SS18L1: variants seen among roughly 807,000 people sequenced by gnomAD.
The protein encoded by SS18L1 is SS18L1 subunit of BAF chromatin remodeling complex, also known as calcium-responsive transactivator.
A neutral mutation model predicts 70.3 loss-of-function variants in SS18L1; 32 were observed. That is an observed-to-expected ratio of 0.46 (90% CI 0.34 to 0.61). SS18L1 has a LOEUF of 0.61. SS18L1 is among the 20% of genes least tolerant of loss of function. The pLI is 0.01. For synonymous variants in SS18L1, 237 were observed against 229.7 expected (o/e 1.03, Z -0.29); for missense variants, 430 against 542.1 (o/e 0.79, Z 2.05).
chr20:62,178,125 C>T (rs897910705), intron 10 of SS18L1, among the ~76,000 whole-genome samples: 1 of 144,498 alleles, frequency 6.9e-6, no homozygotes, highest in Middle Eastern at 3.3e-3. Flanking sequence ...GCATGCGCCA[C>T]AACATGTGGC....
At chr20:62,178,815 C>T (rs193112802) in intron 10 of SS18L1, among the ~76,000 whole-genome samples, 3 of 152,326 alleles carry the variant, frequency 2.0e-5, no homozygotes, top group African/African-American at 7.2e-5. Flanking sequence ...CGTCCCCGCT[C>T]CCATTTTCTT....
At position 62,182,063 on chromosome 20, in the gene SS18L1, T is replaced by A. The variant is rs552720163; in HGVS notation, c.*2855T>A. The A allele has an allele frequency of 2.1e-4, 49 of 229,642 alleles. No homozygotes were observed. Among genetic ancestry groups the A allele is most frequent in the African/African-American group, 1.1e-3 (49 of 45,280 alleles). The allele number at this position is 229,642 out of a possible 1,614,324, so 14.2% of individuals were successfully genotyped here. On this transcript the variant is annotated 3_prime_UTR_variant, in exon 11 of 11. Transcript: ENST00000331758. ...AACAGTACTCAGCATATTAAAACAG[T>A]ACATCAGAACTCATGCCAACAGTCT... is the stretch of plus-strand genomic sequence containing the variant.
chr20:62,165,932 G>A (rs937942021), intron 8 of SS18L1, among the ~76,000 whole-genome samples: 4 of 152,256 alleles, frequency 2.6e-5, no homozygotes, highest in African/African-American at 7.2e-5. Flanking sequence ...CAGTGGCTGC[G>A]CTGGGTGTGG....
At position 62,180,662 on chromosome 20, in the gene SS18L1, G is replaced by A. The variant is rs531689833; in HGVS notation, c.*1454G>A. 5 of 162,858 alleles carry A rather than the reference G, an allele frequency of 3.1e-5. No individual in the cohort carries two copies. Among genetic ancestry groups the A allele is most frequent in the East Asian group, 2.6e-4 (2 of 7,648 alleles). 10.1% of individuals were successfully genotyped at this position (162,858 alleles called of 1,614,324 possible). Reference sequence around the variant, plus strand: ...TGTAATCCCAGCACTTTGGGAGGCCGAAGCGGGCGGATCACCTGAGGTCGG... The same window carrying A: ...TGTAATCCCAGCACTTTGGGAGGCCAAAGCGGGCGGATCACCTGAGGTCGG... On this transcript the variant is annotated 3_prime_UTR_variant, in exon 11 of 11. Coordinates refer to ENST00000331758, the MANE Select transcript of SS18L1 (RefSeq NM_198935.3).
At chr20:62,152,932 G>A (rs1019628722) in intron 1 of SS18L1, among the ~76,000 whole-genome samples, 2 of 152,164 alleles carry the variant, frequency 1.3e-5, no homozygotes, top group African/African-American at 4.8e-5. Context: ...AAAGCCGCGC[G>A]TGCACATCAG....
At chr20:62,164,355 A>C (rs146717877) in intron 7 of SS18L1, 109 bp downstream of exon 7, 1 of 1,145,384 alleles carries the variant, frequency 8.7e-7, no homozygotes, top group East Asian at 2.6e-5. Context: ...GTCCTCAGTC[A>C]TTCCAGCTCA....
intron 1 of SS18L1, among the ~76,000 whole-genome samples, chr20:62,155,110 A>T (rs1186149920): frequency 6.6e-6 from 1 of 152,144 alleles, no homozygotes; most frequent in Non-Finnish European, 1.5e-5. Flanking sequence ...GGATTTTTTT[A>T]AAAAGTTTCA....
In SS18L1 at chr20:62,163,595, A is replaced by G. The variant is rs1320848912; in HGVS notation, c.694A>G (p.Met232Val). ...GAGCAGCATGATGGGGCAGCGGCCC[A>G]TGGCGCCCTACCGGCCCTCCCAGCA... Reference protein sequence around the residue: ...QGSSMMGQRPMAPYRPSQQGS... With the variant: ...QGSSMMGQRPVAPYRPSQQGS... Residue 232 changes from methionine to valine, a missense_variant, in exon 6 of 11, where the codon ATG becomes GTG. By Grantham distance (21) the Met-to-Val change is conservative. Transcript: ENST00000331758. The G allele has an allele frequency of 2.5e-6, 4 of 1,603,000 alleles. No homozygotes were observed. The highest frequency in any genetic ancestry group is 2.7e-5 in the African/African-American group (2 of 74,796).
intron 1 of SS18L1, among the ~76,000 whole-genome samples, chr20:62,146,211 G>A (rs564310501): frequency 2.6e-4 from 40 of 152,308 alleles, no homozygotes; most frequent in Middle Eastern, 3.4e-3. Context: ...CGTGTTCCGC[G>A]TCTCATGCTC....
In SS18L1 at chr20:62,159,754, C is replaced by A; in HGVS notation, c.147-123C>A. On this transcript the variant is annotated intron_variant, in intron 2 of 10. Coordinates refer to ENST00000331758, the MANE Select transcript of SS18L1 (RefSeq NM_198935.3). This position sits in a 1 kb window ranked among gnomAD's most constrained non-coding sequence, Gnocchi z 4.4. ...GTCCAGCTGGGTGTCATCTGGGGTC[C>A]ATGTCCTCATGGGGTTTGGCTGGAT... 1.1e-6 allele frequency: 1 copy of A among 912,168 alleles called. No homozygotes were observed. Among genetic ancestry groups the A allele is most frequent in the Non-Finnish European group, 1.7e-6 (1 of 604,430 alleles). 56.5% of individuals were successfully genotyped at this position (912,168 alleles called of 1,614,324 possible).
intron 1 of SS18L1, among the ~76,000 whole-genome samples, chr20:62,145,372 G>C (rs144529350): frequency 1.3e-5 from 2 of 152,172 alleles, no homozygotes; most frequent in Non-Finnish European, 2.9e-5. Flanking sequence ...GATCCCATAC[G>C]GTGGCTCCAG....
At chr20:62,173,682 T>G (rs2057570996) in intron 9 of SS18L1, among the ~76,000 whole-genome samples, 1 of 152,008 alleles carries the variant, frequency 6.6e-6, no homozygotes, top group South Asian at 2.1e-4. Flanking sequence ...CACTTCAGCC[T>G]AGGCGATAGA....
At chr20:62,154,136 G>T (rs1174742033) in intron 1 of SS18L1, 2 of 194,834 alleles carry the variant, frequency 1.0e-5, no homozygotes, top group African/African-American at 4.7e-5. Flanking sequence ...CAGCAGCACA[G>T]CCGTCTGCTC....
chr20:62,151,828 A>T (rs1314225076), intron 1 of SS18L1, among the ~76,000 whole-genome samples: 1 of 69,108 alleles, frequency 1.4e-5, no homozygotes, highest in Non-Finnish European at 3.1e-5. Flanking sequence ...CCCGCTCCCC[A>T]TAGCTGGCCT....
Position 62,164,137 on chromosome 20 carries a change from C to T in SS18L1, c.722-8C>T. ...CCCGCACTGGCGCTGAATGTGGTTC[C>T]CCCGCAGGCTCTTCCCAGCAGTACC... On this transcript the variant is annotated splice_region_variant and splice_polypyrimidine_tract_variant and intron_variant, in intron 6 of 10. Transcript: ENST00000331758. The T allele has an allele frequency of 6.5e-7, 1 of 1,548,120 alleles. No individual in the cohort carries two copies. The highest frequency in any genetic ancestry group is 8.7e-7 in the Non-Finnish European group (1 of 1,145,334).
chr20:62,179,073 T>C, intron 10 of SS18L1, 109 bp from the exon 11 acceptor site: 1 of 1,187,802 alleles, frequency 8.4e-7, no homozygotes, highest in South Asian at 1.3e-5. Context: ...TGAGCAGAGG[T>C]TGTTTGCTTG....
chr20:62,179,159 A>T (rs1461868420), intron 10 of SS18L1, 23 bp from the exon 11 acceptor site: 1 of 1,613,960 alleles, frequency 6.2e-7, no homozygotes, highest in Non-Finnish European at 8.5e-7. Context: ...TAGGGGTGTA[A>T]TCTGTGTCTT....
At chr20:62,145,010 C>T (rs1244927697) in intron 1 of SS18L1, among the ~76,000 whole-genome samples, 3 of 152,212 alleles carry the variant, frequency 2.0e-5, no homozygotes, top group African/African-American at 7.2e-5. Flanking sequence ...CTAAATCTAT[C>T]GCCTATTTTG....
chr20:62,164,068 C>G (rs1318487785), intron 6 of SS18L1, 77 bp from the exon 7 acceptor site: 1 of 1,380,732 alleles, frequency 7.2e-7, no homozygotes. Context: ...AAGGCCTTGG[C>G]TTCCCCAGTG....
Sources: gnomAD v4.1 joint callset for allele counts (sites outside exome capture counted in the v4.1 genomes callset) on GRCh38, gnomAD v4.1.1 for gene constraint, Gnocchi (gnomAD v3.1) non-coding constraint, MANE v1.5 for transcripts, NCBI Gene and HGNC (gene_info 2026-07-23, HGNC 2026-07-21) for gene names.